Variants in STAP2 observed in about 807,000 individuals in gnomAD.
The protein encoded by STAP2 is signal transducing adaptor family member 2, also known as signal-transducing adaptor protein 2.
In STAP2, 58 loss-of-function variants were observed where a neutral mutation model predicts 52.7. The observed-to-expected ratio is 1.10, with a 90% CI of 0.89 to 1.37. STAP2 has a LOEUF of 1.37. Among genes scored for constraint, STAP2 ranks in the 40% most tolerant of loss-of-function variants. The pLI is 0.00. For missense variants in STAP2, 522 were observed against 519.4 expected (o/e 1.00, Z -0.05); for synonymous variants, 231 against 210.5 (o/e 1.10, Z -0.84).
In STAP2 at chr19:4,328,436, C is replaced by G. The variant is rs868323925; in HGVS notation, c.590+239G>C. Among the ~76,000 whole-genome samples the G allele has an allele frequency of 1.0e-4, 7 of 69,342 alleles. No individual in the cohort carries two copies. In the South Asian group the frequency reaches 2.2e-3, roughly 21 times the overall value. The allele number at this position is 69,342 out of a possible 152,430, so 45.5% of individuals were successfully genotyped here. ...GCCCAGCCCAGCTCTGACTCCTCCC[C>G]CAATCCGCCCAGCCCAGCTCTGACT... On this transcript the variant is annotated intron_variant, in intron 6 of 12. Transcript: ENST00000594605.
At chr19:4,334,932 CCATCCATCCACTCACCGTCCAT>C in intron 1 of STAP2, among the ~76,000 whole-genome samples, 1 of 117,054 alleles carries the variant, frequency 8.5e-6, no homozygotes, top group South Asian at 3.1e-4. Context: ...CATAATCCAT[CCATCCATCCACTCACCGTCCAT>C]CATCCATCCA....
Position 4,324,525 on chromosome 19 carries a change from G to C in STAP2, c.1077C>G (p.Pro359=). ...PKPPVGPKPE[P]KVFNGGLGRK... ...TGCCCAAGCCACCATTAAAGACTTT[G>C]GGCTCTGGAAGAGAAGACAGATGAG... is the stretch of plus-strand genomic sequence containing the variant. The change falls in exon 12 of 13, where the codon CCC becomes CCG. Residue 359 remains proline (P), a synonymous_variant. Transcript: ENST00000594605. 1.3e-6 allele frequency: 2 copies of C among 1,567,810 alleles called. No homozygotes were observed. Among genetic ancestry groups the C allele is most frequent in the East Asian group, 2.3e-5 (1 of 43,052 alleles).
At chr19:4,330,626 T>A (rs1174409893) in intron 4 of STAP2, among the ~76,000 whole-genome samples, 1 of 150,610 alleles carries the variant, frequency 6.6e-6, no homozygotes, top group Admixed American at 6.6e-5. Flanking sequence ...CTCAATGGCC[T>A]GCCAGGGTGA....
intron 1 of STAP2, 74 bp downstream of exon 1, chr19:4,338,578 A>C: frequency 1.4e-5 from 5 of 352,098 alleles, no homozygotes; most frequent in East Asian, 9.2e-5. Flanking sequence ...GCGAGTGGGG[A>C]GACAGGGACT....
chr19:4,327,365 T>C lies in STAP2; in HGVS notation c.611A>G (p.Tyr204Cys). Reference sequence around the variant, plus strand: ...CTTGGGGCCCTCCCGCTTCACCTTGTAATGCCGGACCACGTGCGTCCTGCA... The same window carrying C: ...CTTGGGGCCCTCCCGCTTCACCTTGCAATGCCGGACCACGTGCGTCCTGCA... ...MHNGTHVVRH[Y>C]KVKREGPKYV... The change falls in exon 7 of 13, where the codon TAC (tyrosine) becomes TGC (cysteine). Residue 204 changes from tyrosine (Y) to cysteine (C), a missense_variant. By Grantham distance (194) the Tyr-to-Cys change is radical. Transcript: ENST00000594605. The C allele has an allele frequency of 1.2e-6, 2 of 1,614,082 alleles. No individual in the cohort carries two copies. Among genetic ancestry groups the C allele is most frequent in the South Asian group, 1.1e-5 (1 of 91,078 alleles).
At chr19:4,329,025 G>C (rs967287468) in intron 5 of STAP2, 2 of 613,348 alleles carry the variant, frequency 3.3e-6, no homozygotes, top group East Asian at 3.2e-5. Flanking sequence ...TTTGAGACAG[G>C]GTTTCGCTCT....
intron 4 of STAP2, 44 bp from the exon 5 acceptor site, chr19:4,330,105 G>T (rs750892501): frequency 1.3e-6 from 2 of 1,511,266 alleles, no homozygotes. Flanking sequence ...GGCCAGCCGG[G>T]AATGGACGGC....
intron 1 of STAP2, among the ~76,000 whole-genome samples, chr19:4,335,236 T>TA (rs1193011282): frequency 4.8e-5 from 7 of 146,812 alleles, no homozygotes; most frequent in Admixed American, 2.0e-4. Context: ...TCCATCCACC[T>TA]ACTCATCCAT....
chr19:4,330,109 G>C, intron 4 of STAP2, 48 bp from the exon 5 acceptor site: 2 of 1,480,376 alleles, frequency 1.4e-6, no homozygotes, highest in Non-Finnish European at 1.9e-6. Flanking sequence ...AGCCGGGAAT[G>C]GACGGCTGTG....
rs746858605 is a variant in STAP2 at position 4,333,736 on chromosome 19, G to A, written c.255C>T (p.Thr85=). Residue 85 remains threonine (T), a synonymous_variant, in exon 3 of 13, where the codon ACC becomes ACT. Coordinates refer to ENST00000594605, the MANE Select transcript of STAP2 (RefSeq NM_001013841.2). The stretch of plus-strand genomic sequence containing the variant: ...GATCCCGGAGAATCAGGCTGAAGTG[G>A]GTGCCAGGGTCACGTGAGCTTCCCC... ...IPWGSSRDPG[T]HFSLILRDQE... is the part of the protein sequence containing the mutation. 1 of 1,613,224 alleles carries A rather than the reference G, an allele frequency of 6.2e-7. No individual in the cohort carries two copies. Among genetic ancestry groups the A allele is most frequent in the East Asian group, 2.2e-5 (1 of 44,858 alleles).
chr19:4,324,140 TCCAGTGCCCG>T lies in STAP2; in HGVS notation c.1195_1204del (p.Arg399SerfsTer30), dbSNP rs1387752329. ...GTCCCTGGTGTGTCCGAATCAGTGC[TCCAGTGCCCG>T]CCTCTTCTCCAGCTTCTTCTGTAGC... On this transcript the variant is annotated frameshift_variant, in exon 13 of 13. Coordinates refer to ENST00000594605, the MANE Select transcript of STAP2 (RefSeq NM_001013841.2). LOFTEE classifies it high-confidence loss of function. 6.4e-7 allele frequency: 1 copy of T among 1,551,472 alleles called. No individual in the cohort carries two copies. Among genetic ancestry groups the T allele is most frequent in the Non-Finnish European group, 8.7e-7 (1 of 1,146,964 alleles).
intron 7 of STAP2, 39 bp downstream of exon 7, chr19:4,327,277 C>T: frequency 6.2e-7 from 1 of 1,613,820 alleles, no homozygotes; most frequent in Non-Finnish European, 8.5e-7. Context: ...GACGCGGACC[C>T]CACAAAGTCA....
chr19:4,337,141 C>G (rs1370601730), intron 1 of STAP2, among the ~76,000 whole-genome samples: 1 of 151,868 alleles, frequency 6.6e-6, no homozygotes, highest in Non-Finnish European at 1.5e-5. Context: ...TGGTGGCTCA[C>G]ACCTCTAATC....
Position 4,325,392 on chromosome 19 carries a change from C to G in STAP2, c.979+4G>C. On this transcript the variant is annotated splice_donor_region_variant and intron_variant, in intron 10 of 12. Transcript: ENST00000594605. ...AGCTCTCAGCAGCTCTGTTCCCCAC[C>G]CACCATCTTGGTTCTCATAGTCAAC... 6.2e-7 allele frequency: 1 copy of G among 1,614,218 alleles called. No homozygotes were observed. The highest frequency in any genetic ancestry group is 8.5e-7 in the Non-Finnish European group (1 of 1,180,032).
intron 6 of STAP2, 112 bp downstream of exon 6, chr19:4,328,563 C>T (rs1971833908): frequency 1.4e-6 from 2 of 1,422,836 alleles, no homozygotes; most frequent in East Asian, 5.0e-5. Context: ...GGCTCCGTCC[C>T]CTGGCCTACC....
chr19:4,328,847 A>AC (rs757743650), intron 5 of STAP2, 38 bp from the exon 6 acceptor site: 2 of 1,599,546 alleles, frequency 1.3e-6, no homozygotes, highest in Non-Finnish European at 1.7e-6. Flanking sequence ...GACCCCGGAG[A>AC]CCAAGTCCGC....
chr19:4,336,821 G>A (rs190831806), intron 1 of STAP2, among the ~76,000 whole-genome samples: 2 of 150,864 alleles, frequency 1.3e-5, no homozygotes, highest in Admixed American at 6.6e-5. Context: ...TTTTAGTAGA[G>A]ACGAGGTTTC....
chr19:4,336,258 G>A (rs867656836), intron 1 of STAP2, among the ~76,000 whole-genome samples: 5 of 146,122 alleles, frequency 3.4e-5, no homozygotes, highest in East Asian at 2.0e-4. Flanking sequence ...CAAGTGATCC[G>A]CCGGCCTCGC....
rs1061023 is a variant in STAP2 at position 4,324,154 on chromosome 19, C to T, written c.1191G>A (p.Lys397=). 1 of 1,551,602 alleles carries T rather than the reference C, an allele frequency of 6.4e-7. No individual in the cohort carries two copies. Among genetic ancestry groups the T allele is most frequent in the Non-Finnish European group, 8.7e-7 (1 of 1,147,002 alleles). The change falls in exon 13 of 13, where the codon AAG becomes AAA. Residue 397 remains lysine, a synonymous_variant. Transcript: ENST00000594605. The stretch of plus-strand genomic sequence containing the variant: ...CGAATCAGTGCTCCAGTGCCCGCCT[C>T]TTCTCCAGCTTCTTCTGTAGCTCTG... The part of the protein sequence containing the change: ...MTAELQKKLE[K]RRALEH
Sources: gnomAD v4.1 joint callset for allele counts (sites outside exome capture counted in the v4.1 genomes callset) on GRCh38, gnomAD v4.1.1 for gene constraint, MANE v1.5 for transcripts, NCBI Gene and HGNC (gene_info 2026-07-23, HGNC 2026-07-21) for gene names.